Variants in RCAN2 observed in about 807,000 individuals in gnomAD.
The protein encoded by RCAN2 is regulator of calcineurin 2.
A neutral mutation model predicts 23.6 loss-of-function variants in RCAN2; 9 were observed. The observed-to-expected ratio is 0.38, with a 90% CI of 0.23 to 0.67. The LOEUF (loss-of-function observed/expected upper bound fraction) is 0.67, where lower values mean the gene tolerates loss of function less well. Ranked by LOEUF, RCAN2 falls within the 30% of genes least tolerant of loss-of-function variation. RCAN2 has a pLI of 0.51. For missense variants in RCAN2, 273 were observed against 302.3 expected, an observed-to-expected ratio of 0.90 and a Z score of 0.72; for synonymous variants, 109 against 115.7, an observed-to-expected ratio of 0.94 and a Z score of 0.37.
At chr6:46,382,859 C>T (rs1261193065) in intron 2 of RCAN2, among the ~76,000 whole-genome samples, 2 of 152,126 alleles carry the variant, frequency 1.3e-5, no homozygotes, top group East Asian at 3.8e-4. Context: ...AAAAATAAAC[C>T]TTTCTCTTTG....
intron 2 of RCAN2, among the ~76,000 whole-genome samples, chr6:46,291,235 C>G (rs993110427): frequency 7.3e-5 from 11 of 150,696 alleles, no homozygotes; most frequent in African/African-American, 2.7e-4. Context: ...GGAAAAAAAG[C>G]TGAATCCAGC....
At chr6:46,352,057 C>A (rs1354999876) in intron 2 of RCAN2, among the ~76,000 whole-genome samples, 10 of 152,166 alleles carry the variant, frequency 6.6e-5, no homozygotes, top group Non-Finnish European at 1.2e-4. Context: ...CACCCACTAC[C>A]CCCACAAACA....
intron 2 of RCAN2, among the ~76,000 whole-genome samples, chr6:46,445,797 A>T (rs1767687418): frequency 6.6e-6 from 1 of 151,848 alleles, no homozygotes; most frequent in African/African-American, 2.4e-5. Flanking sequence ...GAGGGTGTCA[A>T]CAGCGAACTG....
At chr6:46,405,641 A>G (rs537134643) in intron 2 of RCAN2, among the ~76,000 whole-genome samples, 3 of 152,306 alleles carry the variant, frequency 2.0e-5, no homozygotes, top group Non-Finnish European at 2.9e-5. Context: ...TGTATTTACA[A>G]TCCCTGAGCT....
At chr6:46,490,335 T>C (rs924024373) in intron 1 of RCAN2, among the ~76,000 whole-genome samples, 1 of 152,198 alleles carries the variant, frequency 6.6e-6, no homozygotes, top group Non-Finnish European at 1.5e-5. Flanking sequence ...AAAACTTCAT[T>C]TGGCAGTTGA....
At chr6:46,357,539 T>G (rs1764875917) in intron 2 of RCAN2, among the ~76,000 whole-genome samples, 1 of 152,242 alleles carries the variant, frequency 6.6e-6, no homozygotes, top group Non-Finnish European at 1.5e-5. Flanking sequence ...GCAATGGTAA[T>G]AAGACATCAA....
At chr6:46,413,005 C>T (rs952150061) in intron 2 of RCAN2, among the ~76,000 whole-genome samples, 1 of 152,146 alleles carries the variant, frequency 6.6e-6, no homozygotes, top group East Asian at 1.9e-4. Context: ...TACTCTTAAT[C>T]CACTTTCTTC....
intron 2 of RCAN2, among the ~76,000 whole-genome samples, chr6:46,266,989 T>A (rs545608456): frequency 6.6e-6 from 1 of 152,246 alleles, no homozygotes; most frequent in African/African-American, 2.4e-5. Context: ...TTGTAAATGA[T>A]GCAAAGGGTT....
At chr6:46,390,733 C>A (rs1278933140) in intron 2 of RCAN2, among the ~76,000 whole-genome samples, 1 of 152,112 alleles carries the variant, frequency 6.6e-6, no homozygotes, top group Non-Finnish European at 1.5e-5. Flanking sequence ...ACGTAGAGAA[C>A]CAAGAAGCAA....
intron 2 of RCAN2, among the ~76,000 whole-genome samples, chr6:46,306,710 A>G (rs1763081318): frequency 6.6e-6 from 1 of 152,114 alleles, no homozygotes; most frequent in South Asian, 2.1e-4. Flanking sequence ...TTCATTCACT[A>G]TAGGAGCTCA....
In RCAN2 at chr6:46,246,803, A is replaced by T; in HGVS notation, c.516T>A (p.Asp172Glu). The change falls in exon 4 of 5, where the codon GAT becomes GAA. Residue 172 changes from aspartate to glutamate, a missense_variant. Coordinates refer to ENST00000371374, the MANE Select transcript of RCAN2 (RefSeq NM_001251974.2). ...SPPVGWQPIN[D>E]ATPVLNYDLL... ...GGTCATAGTTGAGGACTGGCGTGGC[A>T]TCGTTGATGGGCTGCCAGCCAACAG... 6.2e-7 allele frequency: 1 copy of T among 1,613,706 alleles called. No homozygotes were observed. The highest frequency in any genetic ancestry group is 1.1e-5 in the South Asian group (1 of 91,062).
At chr6:46,264,648 A>C (rs1360338481) in intron 2 of RCAN2, among the ~76,000 whole-genome samples, 1 of 152,218 alleles carries the variant, frequency 6.6e-6, no homozygotes, top group Middle Eastern at 3.2e-3. Flanking sequence ...GACACAAGAG[A>C]CCTGAAGGAA....
At chr6:46,433,830 T>C (rs1002402972) in intron 2 of RCAN2, among the ~76,000 whole-genome samples, 1 of 152,238 alleles carries the variant, frequency 6.6e-6, no homozygotes, top group Admixed American at 6.5e-5. Flanking sequence ...AGGAAACTAA[T>C]ACTCTAGGAA....
At chr6:46,326,031 T>G (rs1354042446) in intron 2 of RCAN2, 3 of 257,474 alleles carry the variant, frequency 1.2e-5, no homozygotes, top group African/African-American at 6.9e-5. Context: ...TTTTGCAAAT[T>G]GCTTGGCTTC....
At chr6:46,426,861 GA>G (rs1767046404) in intron 2 of RCAN2, among the ~76,000 whole-genome samples, 1 of 152,324 alleles carries the variant, frequency 6.6e-6, no homozygotes, top group South Asian at 2.1e-4. Flanking sequence ...GCAAGTGGTA[GA>G]GATGAGATTT....
intron 4 of RCAN2, among the ~76,000 whole-genome samples, chr6:46,245,621 A>G (rs978116120): frequency 2.0e-5 from 3 of 152,194 alleles, no homozygotes; most frequent in South Asian, 2.1e-4. Context: ...ACATTAAGAA[A>G]TGCTGGTAAG....
chr6:46,296,451 CCTAT>C (rs1222930774), intron 2 of RCAN2, among the ~76,000 whole-genome samples: 2 of 152,000 alleles, frequency 1.3e-5, no homozygotes, highest in East Asian at 1.9e-4. Flanking sequence ...CTTATTATGC[CCTAT>C]CTGACTTTAA....
At chr6:46,440,521 T>C (rs1384909286) in intron 2 of RCAN2, among the ~76,000 whole-genome samples, 1 of 152,174 alleles carries the variant, frequency 6.6e-6, no homozygotes, top group Non-Finnish European at 1.5e-5. Context: ...GGACATCTTC[T>C]TTACATGTTA....
In RCAN2 at chr6:46,480,093, C is replaced by T. The variant is rs183690527; in HGVS notation, c.-3+11080G>A. ...GTATTATTCATTATAAAGCGGGCCC[C>T]ACAAATGCCTTTACAAATCCCACTT... On this transcript the variant is annotated intron_variant, in intron 1 of 4. Transcript: ENST00000371374. 3.9e-5 allele frequency among the ~76,000 whole-genome samples: 6 copies of T among 152,254 alleles called. 1 individual carries two copies. Among genetic ancestry groups the T allele is most frequent in the Admixed American group, 3.3e-4 (5 of 15,294 alleles).
Sources: gnomAD v4.1 joint callset for allele counts (sites outside exome capture counted in the v4.1 genomes callset) on GRCh38, gnomAD v4.1.1 for gene constraint, MANE v1.5 for transcripts, NCBI Gene and HGNC (gene_info 2026-07-23, HGNC 2026-07-21) for gene names.